Variants in SYT7 observed in about 807,000 individuals in gnomAD.
The protein encoded by SYT7 is synaptotagmin 7.
Under a neutral mutation model 75.1 loss-of-function variants are expected in SYT7, and 29 were observed. That is an observed-to-expected ratio of 0.39 (90% confidence interval 0.29 to 0.53). The LOEUF is 0.53. Ranked by LOEUF, SYT7 falls within the 20% of genes least tolerant of loss-of-function variation. The pLI, the probability that SYT7 is intolerant of heterozygous loss-of-function variation, is 0.77. For synonymous variants in SYT7, 376 were observed against 401.7 expected (o/e 0.94, Z 0.76); for missense variants, 693 against 953.2 (o/e 0.73, Z 3.59).
chr11:61,554,098 G>A (rs758159624), intron 2 of SYT7, among the ~76,000 whole-genome samples: 8 of 152,218 alleles, frequency 5.3e-5, no homozygotes, highest in African/African-American at 9.6e-5. Context: ...GAGGGGCTGG[G>A]ACCAGGGAAG....
chr11:61,546,571 G>A lies in SYT7; in HGVS notation c.348-316C>T. 4.1e-6 allele frequency: 2 copies of A among 487,342 alleles called. No individual in the cohort carries two copies. The highest frequency in any genetic ancestry group is 2.0e-5 in the African/African-American group (1 of 51,148). The allele number at this position is 487,342 out of a possible 1,614,324, so 30.2% of individuals were successfully genotyped here. On this transcript the variant is annotated intron_variant, in intron 4 of 12. Coordinates refer to ENST00000539008, the MANE Select transcript of SYT7 (RefSeq NM_001365809.2). The surrounding 1 kb of genome is among the most constrained non-coding windows in gnomAD (Gnocchi z 7.6). ...AGGGGGGGCCCCTCCCCACCGCCTG[G>A]GGCAGGGGCGGCGGGGGTTGGGGGA...
chr11:61,533,773 T>C, intron 7 of SYT7: 1 of 648,148 alleles, frequency 1.5e-6, no homozygotes, highest in Non-Finnish European at 1.9e-6. Flanking sequence ...ATGTGGCCAG[T>C]GTGGCTGAGA....
rs79600281 is a variant in SYT7 at position 61,568,588 on chromosome 11, G to A, written c.31+12202C>T. On this transcript the variant is annotated intron_variant, in intron 1 of 12. Transcript: ENST00000539008. ...GACCGCTCAGGCTGGTGCAGCCAGC[G>A]AGTGCTGAGACGGGCATGGGAGAGT... Among the ~76,000 whole-genome samples the A allele has an allele frequency of 1.1e-3, 169 of 152,300 alleles. No individual in the cohort carries two copies. In the East Asian group the frequency reaches 0.02, roughly 18 times the overall value.
At position 61,580,822 on chromosome 11, in the gene SYT7, GTCCC is replaced by G. The variant is rs1392889354; in HGVS notation, c.-6_-3del. On this transcript the variant is annotated 5_prime_UTR_variant, in exon 1 of 13. Transcript: ENST00000539008. The surrounding 1 kb of genome is among the most constrained non-coding windows in gnomAD (Gnocchi z 6.1). Reference sequence around the variant, plus strand: ...GGCCGCCTCCGGGTCCCGGTACATGGTCCCCTCGTCGCCGGTTCCCTCCGGGCTC... The same window carrying G: ...GGCCGCCTCCGGGTCCCGGTACATGGCTCGTCGCCGGTTCCCTCCGGGCTC... The G allele has an allele frequency of 7.9e-7, 1 of 1,270,392 alleles. No individual in the cohort carries two copies. The highest frequency in any genetic ancestry group is 1.6e-5 in the African/African-American group (1 of 64,140). 78.7% of individuals were successfully genotyped at this position (1,270,392 alleles called of 1,614,324 possible). A position where few individuals can be genotyped will look rare whatever the true frequency, so the allele number is the denominator to read the frequency against.
intron 1 of SYT7, among the ~76,000 whole-genome samples, chr11:61,572,254 A>G (rs1489920840): frequency 3.3e-5 from 5 of 152,180 alleles, no homozygotes; most frequent in Non-Finnish European, 7.4e-5. Flanking sequence ...AGTAGAGAGA[A>G]TGGAGACAGG....
chr11:61,556,263 T>A (rs1021693141), intron 1 of SYT7, 56 bp from the exon 2 acceptor site: 1 of 1,474,576 alleles, frequency 6.8e-7, no homozygotes, highest in Admixed American at 1.9e-5. Context: ...CCACCCTCCC[T>A]CAGCCCAGAG....
intron 1 of SYT7, among the ~76,000 whole-genome samples, chr11:61,564,306 C>A (rs1458342074): frequency 6.6e-6 from 1 of 152,176 alleles, no homozygotes; most frequent in Non-Finnish European, 1.5e-5. Flanking sequence ...AGAGTTGTTC[C>A]ATCACCCGCA....
intron 7 of SYT7, among the ~76,000 whole-genome samples, chr11:61,537,131 T>C (rs1453793440): frequency 1.3e-5 from 2 of 152,190 alleles, no homozygotes; most frequent in Admixed American, 6.5e-5. Flanking sequence ...CCAGGCCCCA[T>C]GCTCCCTTGC....
intron 7 of SYT7, among the ~76,000 whole-genome samples, chr11:61,535,247 G>A (rs921465791): frequency 1.3e-5 from 2 of 152,234 alleles, no homozygotes; most frequent in Admixed American, 1.3e-4. Flanking sequence ...AGGCTGCCGG[G>A]TGGACGAGGG....
At chr11:61,533,449 T>C in intron 7 of SYT7, 1 of 985,306 alleles carries the variant, frequency 1.0e-6, no homozygotes, top group Non-Finnish European at 1.2e-6. Flanking sequence ...GTCTCTGAGG[T>C]GGCCACTGCC....
At chr11:61,552,149 G>A (rs2063370290) in intron 2 of SYT7, among the ~76,000 whole-genome samples, 1 of 152,144 alleles carries the variant, frequency 6.6e-6, no homozygotes, top group Non-Finnish European at 1.5e-5. Context: ...AGGGCAGCGG[G>A]TGGGTACCCC....
chr11:61,553,653 A>G lies in SYT7; in HGVS notation c.136-2190T>C, dbSNP rs951260724. 2.0e-5 allele frequency among the ~76,000 whole-genome samples: 3 copies of G among 152,222 alleles called. No individual in the cohort carries two copies. Among genetic ancestry groups the G allele is most frequent in the Non-Finnish European group, 4.4e-5 (3 of 68,042 alleles). On this transcript the variant is annotated intron_variant, in intron 2 of 12. Coordinates refer to ENST00000539008, the MANE Select transcript of SYT7 (RefSeq NM_001365809.2). The surrounding 1 kb of genome is among the most constrained non-coding windows in gnomAD (Gnocchi z 5.2). ...ATGTGGAGGGCAGGGGGACAACCCA[A>G]GTTAACAGGAAACCAGGCAGGGTCC...
At chr11:61,535,197 A>C (rs1027939557) in intron 7 of SYT7, among the ~76,000 whole-genome samples, 1 of 152,162 alleles carries the variant, frequency 6.6e-6, no homozygotes, top group Non-Finnish European at 1.5e-5. Context: ...AAGGAGACAG[A>C]AGGAGAGAGA....
Position 61,545,956 on chromosome 11 carries a change from A to G in SYT7, c.572+75T>C. The G allele has an allele frequency of 2.2e-6, 3 of 1,368,052 alleles. No individual in the cohort carries two copies. In the South Asian group the frequency reaches 3.9e-5, roughly 18 times the overall value. The allele number at this position is 1,368,052 out of a possible 1,614,324, so 84.7% of individuals were successfully genotyped here. A position where few individuals can be genotyped will look rare whatever the true frequency, so the allele number is the denominator to read the frequency against. ...CTCTGGGGGCAGCAGCGGGCATGCC[A>G]GGGGTCCCGCTGTCCACCCTGGCAG... On this transcript the variant is annotated intron_variant, in intron 5 of 12. Coordinates refer to ENST00000539008, the MANE Select transcript of SYT7 (RefSeq NM_001365809.2).
chr11:61,561,013 A>C (rs2063623679), intron 1 of SYT7, among the ~76,000 whole-genome samples: 1 of 152,154 alleles, frequency 6.6e-6, no homozygotes, highest in African/African-American at 2.4e-5. Flanking sequence ...CAGGCCTCCA[A>C]ATCCTTGCCG....
At chr11:61,534,416 C>A (rs377720639) in intron 7 of SYT7, among the ~76,000 whole-genome samples, 18 of 148,962 alleles carry the variant, frequency 1.2e-4, no homozygotes, top group Non-Finnish European at 2.2e-4. Flanking sequence ...CACGCACGCA[C>A]ACATGCGCAT....
At chr11:61,530,963 C>T in intron 8 of SYT7, 1 of 985,426 alleles carries the variant, frequency 1.0e-6, no homozygotes, top group Non-Finnish European at 1.2e-6. Context: ...ACCCCTATAC[C>T]AGGGCAGGAG....
At position 61,524,720 on chromosome 11, in the gene SYT7, TG is replaced by T; in HGVS notation, c.1472-189del. ...GCTAGCAAGAACTGTCACCGTCTCATGGGATTCCCTCAACAATTCTCCAAGG... is the reference window on the plus strand; with the variant it reads ...GCTAGCAAGAACTGTCACCGTCTCATGGATTCCCTCAACAATTCTCCAAGG... On this transcript the variant is annotated intron_variant, in intron 9 of 12. Coordinates refer to ENST00000539008, the MANE Select transcript of SYT7 (RefSeq NM_001365809.2). This position sits in a 1 kb window ranked among gnomAD's most constrained non-coding sequence, Gnocchi z 4.1. 7 of 548,468 alleles carry T rather than the reference TG, an allele frequency of 1.3e-5. No homozygotes were observed. In the South Asian group the frequency reaches 1.7e-4, roughly 13 times the overall value. 34.0% of individuals were successfully genotyped at this position (548,468 alleles called of 1,614,324 possible). A position where few individuals can be genotyped will look rare whatever the true frequency, so the allele number is the denominator to read the frequency against.
At position 61,518,220 on chromosome 11, in the gene SYT7, C is replaced by A. The variant is rs1013723166; in HGVS notation, c.*407G>T. 1 of 165,170 alleles carries A rather than the reference C, an allele frequency of 6.1e-6. No homozygotes were observed. The highest frequency in any genetic ancestry group is 1.3e-5 in the Non-Finnish European group (1 of 76,790). The allele number at this position is 165,170 out of a possible 1,614,324, so 10.2% of individuals were successfully genotyped here. ...GCCAAACGCCTCAGCCTCCCCTCCC[C>A]GGGTCCACATCGGGGGCTGGAGAGG... On this transcript the variant is annotated 3_prime_UTR_variant, in exon 13 of 13. Coordinates refer to ENST00000539008, the MANE Select transcript of SYT7 (RefSeq NM_001365809.2).
Sources: allele counts gnomAD v4.1 joint callset (sites outside exome capture counted in the v4.1 genomes callset), GRCh38; gene constraint gnomAD v4.1.1; non-coding constraint Gnocchi (gnomAD v3.1); transcripts MANE v1.5; gene names NCBI Gene and HGNC (gene_info 2026-07-23, HGNC 2026-07-21).